EPG5: variants seen among roughly 807,000 people sequenced by gnomAD.
EPG5 encodes the protein ectopic P granules protein 5 homolog.
Under a neutral mutation model 302.7 loss-of-function variants are expected in EPG5, and 159 were observed. The ratio of observed to expected loss-of-function variants is 0.53; its 90% CI spans 0.46 to 0.60. The LOEUF is 0.60. EPG5 is among the 20% of genes least tolerant of loss of function. The pLI is 0.00. For missense variants in EPG5, 2,896 were observed against 3,092.4 expected, an observed-to-expected ratio of 0.94 and a Z score of 1.51; for synonymous variants, 1,158 against 1,136.8, an observed-to-expected ratio of 1.02 and a Z score of -0.37.
At chr18:45,806,808 GAGA>G in the EPG5 span, among the ~76,000 whole-genome samples, 3 of 152,344 alleles carry the variant, frequency 2.0e-5, no homozygotes, top group South Asian at 6.2e-4. Flanking sequence ...AGGCCACAGA[GAGA>G]AGGACATCTT....
chr18:45,939,605 G>A lies in EPG5; in HGVS notation c.2094C>T (p.Ala698=). Residue 698 remains alanine (A), a synonymous_variant, in exon 10 of 44, where the codon GCC becomes GCT. Transcript: ENST00000282041. ...TCATCATATGTCTTACTTACCTTTT[G>A]GCCTTCAGCACATGTAGGACAGCCC... The part of the protein sequence containing the change: ...FLRAVLHVLK[A]KRLGIWLFMS... The A allele has an allele frequency of 1.9e-6, 3 of 1,613,862 alleles. No homozygotes were observed. The highest frequency in any genetic ancestry group is 1.1e-5 in the South Asian group (1 of 91,048).
chr18:45,801,014 G>T, the EPG5 span, among the ~76,000 whole-genome samples: 1 of 152,076 alleles, frequency 6.6e-6, no homozygotes, highest in East Asian at 1.9e-4. Context: ...GTGTGTTTGG[G>T]TTTTTGTGTT....
chr18:45,916,882 T>G (rs2050044196), intron 17 of EPG5: 1 of 196,584 alleles, frequency 5.1e-6, no homozygotes, highest in Non-Finnish European at 1.1e-5. Context: ...CCCAACTCCA[T>G]GAATAAAGGC....
intron 27 of EPG5, among the ~76,000 whole-genome samples, chr18:45,897,761 T>A (rs1032235326): frequency 6.6e-6 from 1 of 152,014 alleles, no homozygotes; most frequent in Non-Finnish European, 1.5e-5. Flanking sequence ...TTGAAAGTAA[T>A]GAAAAATACA....
In EPG5 at chr18:45,878,995, G is replaced by T; in HGVS notation, c.5869+18C>A. The T allele has an allele frequency of 6.2e-7, 1 of 1,605,534 alleles. No individual in the cohort carries two copies. The stretch of plus-strand genomic sequence containing the variant: ...AAGTCCAAACACCTAGCTCCACATC[G>T]CATGAGAAGTATATTACCTGTTTTC... On this transcript the variant is annotated intron_variant, in intron 33 of 43. Coordinates refer to ENST00000282041, the MANE Select transcript of EPG5 (RefSeq NM_020964.3).
chr18:45,897,662 G>A (rs530727465), intron 27 of EPG5, among the ~76,000 whole-genome samples: 3 of 152,204 alleles, frequency 2.0e-5, no homozygotes, highest in Non-Finnish European at 4.4e-5. Flanking sequence ...AATAACATAC[G>A]GGAAAATAAG....
At chr18:45,802,901 T>C in the EPG5 span, among the ~76,000 whole-genome samples, 5 of 152,204 alleles carry the variant, frequency 3.3e-5, no homozygotes, top group East Asian at 7.7e-4. Flanking sequence ...CATTAGTAGG[T>C]GGCCTGACCA....
At chr18:45,858,167 C>T (rs1359714782) in intron 41 of EPG5, 99 bp from the exon 42 acceptor site, 16 of 874,546 alleles carry the variant, frequency 1.8e-5, no homozygotes, top group Non-Finnish European at 2.8e-5. Flanking sequence ...AGGAGACATT[C>T]AGTACTTCAA....
At chr18:45,875,522 T>C (rs180822187) in intron 35 of EPG5, among the ~76,000 whole-genome samples, 120 of 152,074 alleles carry the variant, frequency 7.9e-4, no homozygotes, top group Admixed American at 7.2e-4. Flanking sequence ...AAAAATTCAA[T>C]TGATATATTT....
rs527253515 is a variant in EPG5 at position 45,851,420 on chromosome 18, G to A, written c.*1047C>T. 6.6e-5 allele frequency: 10 copies of A among 152,292 alleles called. No individual in the cohort carries two copies. The highest frequency in any genetic ancestry group is 5.2e-4 in the Admixed American group (8 of 15,294). 9.4% of individuals were successfully genotyped at this position (152,292 alleles called of 1,614,324 possible). A position where few individuals can be genotyped will look rare whatever the true frequency, so the allele number is the denominator to read the frequency against. On this transcript the variant is annotated 3_prime_UTR_variant, in exon 44 of 44. Coordinates refer to ENST00000282041, the MANE Select transcript of EPG5 (RefSeq NM_020964.3). ...AACTGTCAACAACAGAAGGCACGTG[G>A]CTATGGAAAAAAAGCCAAATTTCAG...
Position 45,944,123 on chromosome 18 carries a change from A to G in EPG5, c.1678-4T>C, listed in dbSNP as rs766101598. 1 of 1,584,540 alleles carries G rather than the reference A, an allele frequency of 6.3e-7. No individual in the cohort carries two copies. The highest frequency in any genetic ancestry group is 2.2e-5 in the East Asian group (1 of 44,770). ...AACTGGTCTCAGGGTCTTCATCCTA[A>G]GGGAAAAGACAAAAAATCATGTCAG... On this transcript the variant is annotated splice_region_variant and splice_polypyrimidine_tract_variant and intron_variant, in intron 7 of 43. Transcript: ENST00000282041.
rs192515367 is a variant in EPG5, at chr18:45,847,637, C to T, written c.*4830G>A. 2 of 152,654 alleles carry T rather than the reference C, an allele frequency of 1.3e-5. No homozygotes were observed. Among genetic ancestry groups the T allele is most frequent in the Admixed American group, 1.3e-4 (2 of 15,292 alleles). 9.5% of individuals were successfully genotyped at this position (152,654 alleles called of 1,614,324 possible). On this transcript the variant is annotated 3_prime_UTR_variant, in exon 44 of 44. Coordinates refer to ENST00000282041, the MANE Select transcript of EPG5 (RefSeq NM_020964.3). The stretch of plus-strand genomic sequence containing the variant: ...ATTAAATTCGAATCTAGTTTATTTG[C>T]AGAATTTTACTTAACCAGTTGTCAT...
chr18:45,953,233 C>T, intron 2 of EPG5: 1 of 940,188 alleles, frequency 1.1e-6, no homozygotes, highest in Non-Finnish European at 1.3e-6. Context: ...GTCCCTAAGA[C>T]TTTCATGATT....
chr18:45,935,138 C>G (rs1449016574), intron 10 of EPG5, among the ~76,000 whole-genome samples, 172 bp from the exon 11 acceptor site: 2 of 152,202 alleles, frequency 1.3e-5, no homozygotes, highest in East Asian at 3.8e-4. Context: ...CAAATACAAA[C>G]CACCCAGTCT....
chr18:45,891,062 C>T (rs1409365672), intron 27 of EPG5, among the ~76,000 whole-genome samples: 1 of 152,158 alleles, frequency 6.6e-6, no homozygotes, highest in Non-Finnish European at 1.5e-5. Flanking sequence ...TTACATGCAC[C>T]TGCCCAAACC....
intron 27 of EPG5, among the ~76,000 whole-genome samples, chr18:45,894,660 G>A (rs2049428887): frequency 6.6e-6 from 1 of 152,154 alleles, no homozygotes; most frequent in Admixed American, 6.5e-5. Flanking sequence ...ACTGAAGGCT[G>A]AGCAAGAAAG....
intron 1 of EPG5, among the ~76,000 whole-genome samples, chr18:45,962,317 A>T (rs1482819350): frequency 6.6e-6 from 1 of 152,234 alleles, no homozygotes; most frequent in Non-Finnish European, 1.5e-5. Context: ...CTTCTGGGAC[A>T]CATCTTTCTG....
the EPG5 span, chr18:45,837,631 G>T: frequency 6.6e-7 from 1 of 1,508,080 alleles, no homozygotes; most frequent in African/African-American, 1.4e-5. Flanking sequence ...ACGGGCCGCT[G>T]ACGGCCATCT....
rs749365 is a variant in EPG5, at chr18:45,941,694, T to A, written c.1943+1467A>T. On this transcript the variant is annotated intron_variant, in intron 9 of 43. Coordinates refer to ENST00000282041, the MANE Select transcript of EPG5 (RefSeq NM_020964.3). ...GAGAGAATAAAATAAGAAATCACAG[T>A]CCTGGCATACAGTAAGCACGCAATC... Among the ~76,000 whole-genome samples the A allele has an allele frequency of 5.9e-3, 899 of 152,324 alleles. 15 individuals are homozygous for A. Among genetic ancestry groups the A allele is most frequent in the African/African-American group, 0.02 (850 of 41,570 alleles).
Sources: gnomAD v4.1 joint callset for allele counts (sites outside exome capture counted in the v4.1 genomes callset) on GRCh38, gnomAD v4.1.1 for gene constraint, MANE v1.5 for transcripts, NCBI Gene and HGNC (gene_info 2026-07-23, HGNC 2026-07-21) for gene names.